Variants in FOXP2 observed in about 807,000 individuals in gnomAD.
The protein encoded by FOXP2 is forkhead box P2.
In FOXP2, 12 loss-of-function variants were observed where a neutral mutation model predicts 115.8. The observed-to-expected ratio is 0.10, with a 90% CI of 0.07 to 0.17. The LOEUF is 0.17. Ranked by LOEUF, FOXP2 falls within the 10% of genes least tolerant of loss-of-function variation. The pLI is 1.00. For synonymous variants in FOXP2, 328 were observed against 297.7 expected (o/e 1.10, Z -1.05); for missense variants, 629 against 843.5 (o/e 0.75, Z 3.15).
intron 1 of FOXP2, among the ~76,000 whole-genome samples, chr7:114,139,665 T>C (rs1792148969): frequency 6.6e-6 from 1 of 152,212 alleles, no homozygotes; most frequent in Admixed American, 6.5e-5. Flanking sequence ...TTATTTAACA[T>C]CTTAAAGGCT....
intron 1 of FOXP2, among the ~76,000 whole-genome samples, chr7:114,418,898 C>T (rs1793473028): frequency 6.6e-6 from 1 of 151,862 alleles, no homozygotes; most frequent in African/African-American, 2.4e-5. Flanking sequence ...ATTGGAATAA[C>T]AGTGTGTTTC....
intron 3 of FOXP2, among the ~76,000 whole-genome samples, chr7:114,608,568 T>C (rs902843334): frequency 1.1e-4 from 16 of 152,196 alleles, no homozygotes; most frequent in Non-Finnish European, 1.8e-4. Flanking sequence ...CTCACCACCT[T>C]TGCTATATTC....
At chr7:114,258,337 G>C (rs189764636) in intron 1 of FOXP2, among the ~76,000 whole-genome samples, 1 of 152,146 alleles carries the variant, frequency 6.6e-6, no homozygotes. Context: ...TCCTATGATT[G>C]GTTAATGTTC....
intron 1 of FOXP2, among the ~76,000 whole-genome samples, chr7:114,152,131 A>T (rs917368743): frequency 6.6e-6 from 1 of 152,158 alleles, no homozygotes; most frequent in Non-Finnish European, 1.5e-5. Flanking sequence ...TAATACTATG[A>T]AGACTTACTA....
chr7:114,430,628 C>T (rs1794063751), intron 2 of FOXP2, among the ~76,000 whole-genome samples: 1 of 151,730 alleles, frequency 6.6e-6, no homozygotes, highest in African/African-American at 2.4e-5. Context: ...TTTTTTACAA[C>T]CAAATTCCTG....
At chr7:114,200,952 C>T (rs920582672) in intron 1 of FOXP2, among the ~76,000 whole-genome samples, 8 of 151,942 alleles carry the variant, frequency 5.3e-5, no homozygotes, top group Non-Finnish European at 8.8e-5. Flanking sequence ...GTCAGGTGTT[C>T]GGGACCAGCC....
At chr7:114,531,358 A>G (rs1273477080) in intron 2 of FOXP2, among the ~76,000 whole-genome samples, 1 of 151,782 alleles carries the variant, frequency 6.6e-6, no homozygotes, top group African/African-American at 2.4e-5. Context: ...ATATTGATGG[A>G]AGTGTTTTAT....
intron 2 of FOXP2, among the ~76,000 whole-genome samples, chr7:114,398,799 A>G (rs893685211): frequency 4.6e-5 from 7 of 152,234 alleles, no homozygotes; most frequent in African/African-American, 1.4e-4. Context: ...CTCAGCAACA[A>G]GTTTTCCTCA....
chr7:114,488,874 A>G (rs989372559), intron 2 of FOXP2, among the ~76,000 whole-genome samples: 2 of 152,184 alleles, frequency 1.3e-5, no homozygotes, highest in African/African-American at 4.8e-5. Flanking sequence ...GAGGCTCGAC[A>G]TATTTCCTGT....
At chr7:114,263,198 A>C (rs1194184126) in intron 1 of FOXP2, among the ~76,000 whole-genome samples, 2 of 151,992 alleles carry the variant, frequency 1.3e-5, no homozygotes, top group African/African-American at 4.8e-5. Flanking sequence ...ATTGCTCACT[A>C]TCCTTTATTT....
chr7:114,489,368 T>A (rs1796931138), intron 2 of FOXP2, among the ~76,000 whole-genome samples: 1 of 152,176 alleles, frequency 6.6e-6, no homozygotes. Flanking sequence ...AGGATTTGGT[T>A]ACAGCTTGGA....
intron 1 of FOXP2, among the ~76,000 whole-genome samples, chr7:114,098,777 C>T (rs1428149427): frequency 6.6e-6 from 1 of 152,112 alleles, no homozygotes; most frequent in African/African-American, 2.4e-5. Context: ...TGGCAGTCTA[C>T]AGACTGGGAA....
intron 1 of FOXP2, among the ~76,000 whole-genome samples, chr7:114,153,020 G>GA (rs1413709091): frequency 1.3e-5 from 2 of 151,866 alleles, no homozygotes; most frequent in African/African-American, 4.8e-5. Context: ...TTTTCTTTAG[G>GA]AAAAAAGTAT....
chr7:114,585,454 G>A (rs1269269532), intron 3 of FOXP2, among the ~76,000 whole-genome samples: 1 of 151,870 alleles, frequency 6.6e-6, no homozygotes, highest in Non-Finnish European at 1.5e-5. Context: ...TAGAAATGTA[G>A]AATCTCAGTG....
chr7:114,273,545 T>G (rs1314807357), intron 1 of FOXP2, among the ~76,000 whole-genome samples: 1 of 152,076 alleles, frequency 6.6e-6, no homozygotes, highest in East Asian at 1.9e-4. Context: ...TAGAGGAGTG[T>G]TGAAGTTTTT....
chr7:114,232,486 G>A (rs1794905520), intron 1 of FOXP2, among the ~76,000 whole-genome samples: 1 of 152,110 alleles, frequency 6.6e-6, no homozygotes, highest in African/African-American at 2.4e-5. Context: ...TGGATGAATG[G>A]ATAACGAAAT....
At chr7:114,257,055 CTACAGTAAACAAAACAGCATGG>C (rs1239952348) in intron 1 of FOXP2, among the ~76,000 whole-genome samples, 2 of 152,132 alleles carry the variant, frequency 1.3e-5, no homozygotes, top group Non-Finnish European at 2.9e-5. Flanking sequence ...TACTACAAGG[CTACAGTAAACAAAACAGCATGG>C]TACTGGTACC....
chr7:114,117,256 C>G (rs1791434938), intron 1 of FOXP2, among the ~76,000 whole-genome samples: 1 of 149,534 alleles, frequency 6.7e-6, no homozygotes, highest in South Asian at 2.1e-4. Context: ...GAGTCTCACT[C>G]TGTTGTCCAG....
chr7:114,288,918 G>T (rs1796527304), intron 2 of FOXP2, among the ~76,000 whole-genome samples: 1 of 151,730 alleles, frequency 6.6e-6, no homozygotes, highest in Admixed American at 6.6e-5. Flanking sequence ...AAGAGAGAGG[G>T]AAACCAAAAT....
Sources: allele counts gnomAD v4.1 joint callset (sites outside exome capture counted in the v4.1 genomes callset), GRCh38; gene constraint gnomAD v4.1.1; transcripts MANE v1.5; gene names NCBI Gene and HGNC (gene_info 2026-07-23, HGNC 2026-07-21).